AKNAD1: variants seen among roughly 807,000 people sequenced by gnomAD.
AKNAD1 encodes the protein AKNA domain containing 1.
AKNAD1 carries 67 observed loss-of-function variants against 90.8 expected under a neutral mutation model. The ratio of observed to expected loss-of-function variants is 0.74; its 90% CI spans 0.61 to 0.90. The LOEUF (loss-of-function observed/expected upper bound fraction) is 0.90, where lower values mean the gene tolerates loss of function less well. Among genes scored for constraint, AKNAD1 ranks in the 40% least tolerant of loss-of-function variants. The pLI, the probability that AKNAD1 is intolerant of heterozygous loss-of-function variation, is 0.00. For synonymous variants in AKNAD1, 327 were observed against 341.4 expected, an observed-to-expected ratio of 0.96 and a Z score of 0.46; for missense variants, 957 against 975.4, an observed-to-expected ratio of 0.98 and a Z score of 0.25.
Position 108,852,588 on chromosome 1 carries a change from A to T in AKNAD1, c.77T>A (p.Ile26Asn). 6.2e-7 allele frequency: 1 copy of T among 1,612,466 alleles called. No individual in the cohort carries two copies. The highest frequency in any genetic ancestry group is 8.5e-7 in the Non-Finnish European group (1 of 1,179,524). The change falls in exon 2 of 16, where the codon ATT becomes AAT. Residue 26 changes from isoleucine (I) to asparagine (N), a missense_variant. Transcript: ENST00000370001. ...AAAACTGTAATCATTGCCTATCTTA[A>T]TCTGAGAGAGGTCCCCATCATAAGG... ...DLPYDGDLSQ[I>N]KIGNDYSFTS...
intron 7 of AKNAD1, among the ~76,000 whole-genome samples, chr1:108,835,386 C>T (rs987320905): frequency 2.7e-4 from 41 of 152,246 alleles, no homozygotes; most frequent in Non-Finnish European, 4.6e-4. Context: ...ATTTTCAGTA[C>T]GTTACTTATA....
intron 1 of AKNAD1, among the ~76,000 whole-genome samples, chr1:108,854,779 A>G (rs1367872353): frequency 1.3e-5 from 2 of 152,238 alleles, no homozygotes; most frequent in African/African-American, 4.8e-5. Flanking sequence ...AAGGCTTCCC[A>G]AGAAAGTGAA....
intron 6 of AKNAD1, among the ~76,000 whole-genome samples, chr1:108,839,380 G>A (rs1197342398): frequency 1.3e-5 from 2 of 151,970 alleles, no homozygotes; most frequent in East Asian, 1.9e-4. Flanking sequence ...GGCTGAGGCA[G>A]GAGAATGGCG....
chr1:108,856,729 T>G lies in AKNAD1; in HGVS notation c.-104+200A>C, dbSNP rs190379979. ...TCTCTCTCTCTCTCTCACACACACA[T>G]AAACACACACACACAAACACACACA... On this transcript the variant is annotated intron_variant, in intron 1 of 15. Coordinates refer to ENST00000370001, the MANE Select transcript of AKNAD1 (RefSeq NM_152763.5). Among the ~76,000 whole-genome samples, 301 of 144,016 alleles carry G rather than the reference T, an allele frequency of 2.1e-3. 5 individuals carry two copies. In the East Asian group the frequency reaches 0.033, roughly 16 times the overall value. The allele number at this position is 144,016 out of a possible 152,430, so 94.5% of individuals were successfully genotyped here.
intron 6 of AKNAD1, 111 bp from the exon 7 acceptor site, chr1:108,837,817 T>G: frequency 1.6e-6 from 2 of 1,243,216 alleles, no homozygotes; most frequent in Non-Finnish European, 2.3e-6. Context: ...GTGGCCTGTC[T>G]TCTGTCACAA....
intron 5 of AKNAD1, among the ~76,000 whole-genome samples, chr1:108,847,127 T>C (rs532587379): frequency 2.5e-4 from 38 of 152,170 alleles, no homozygotes; most frequent in African/African-American, 8.9e-4. Flanking sequence ...CTTGCCCCCA[T>C]GGTGCTTCCC....
intron 1 of AKNAD1, among the ~76,000 whole-genome samples, chr1:108,855,023 C>T (rs1196478866): frequency 1.3e-5 from 2 of 152,100 alleles, no homozygotes; most frequent in Non-Finnish European, 1.5e-5. Flanking sequence ...CAAAACCAGT[C>T]TCAGTATTGG....
At chr1:108,836,040 C>T (rs367958507) in intron 7 of AKNAD1, among the ~76,000 whole-genome samples, 4 of 152,226 alleles carry the variant, frequency 2.6e-5, no homozygotes, top group African/African-American at 9.6e-5. Flanking sequence ...TATAGCAATA[C>T]ATACTGCTGA....
chr1:108,837,737 T>C (rs1202891134), intron 6 of AKNAD1, 31 bp from the exon 7 acceptor site: 5 of 1,608,454 alleles, frequency 3.1e-6, no homozygotes, highest in Non-Finnish European at 3.4e-6. Flanking sequence ...AGGCATCTTC[T>C]GGGCTATGTG....
rs984787165 is a variant in AKNAD1, at chr1:108,821,976, T to A, written c.2168-1350A>T. Among the ~76,000 whole-genome samples, 3 of 152,136 alleles carry A rather than the reference T, an allele frequency of 2.0e-5. No individual in the cohort carries two copies. In the East Asian group the frequency reaches 5.8e-4, roughly 29 times the overall value. ...TTGGACAAAGGATGCTGGGAGAGAT[T>A]GTCCCTCAGACATGCAAGGCAGGGC... is the stretch of plus-strand genomic sequence containing the variant. On this transcript the variant is annotated intron_variant, in intron 13 of 15. Coordinates refer to ENST00000370001, the MANE Select transcript of AKNAD1 (RefSeq NM_152763.5).
At chr1:108,849,485 A>T in intron 3 of AKNAD1, 52 bp downstream of exon 3, 2 of 1,221,106 alleles carry the variant, frequency 1.6e-6, no homozygotes. Flanking sequence ...TCTCAAAAAG[A>T]CAAAAACAAA....
chr1:108,842,232 A>T (rs1002850460), intron 6 of AKNAD1, among the ~76,000 whole-genome samples: 5 of 152,222 alleles, frequency 3.3e-5, no homozygotes, highest in Admixed American at 2.0e-4. Context: ...TGGGGAAAAA[A>T]ATGCCACAGA....
chr1:108,828,606 C>A (rs1229313622), intron 10 of AKNAD1, among the ~76,000 whole-genome samples: 1 of 151,866 alleles, frequency 6.6e-6, no homozygotes, highest in Non-Finnish European at 1.5e-5. Context: ...TGTGCCCTGG[C>A]CTGCTGTTGG....
intron 14 of AKNAD1, among the ~76,000 whole-genome samples, chr1:108,819,922 A>C (rs796087891): frequency 0.41 from 55,866 of 135,424 alleles, 11,511 homozygotes; most frequent in Non-Finnish European, 0.5. Context: ...TTAACAGCAA[A>C]AAAAAAAAAA....
chr1:108,836,323 G>A (rs898837885), intron 7 of AKNAD1, among the ~76,000 whole-genome samples: 8 of 152,146 alleles, frequency 5.3e-5, no homozygotes, highest in African/African-American at 1.4e-4. Context: ...TTACATCCAC[G>A]GTGGCTCAGG....
rs1664884746 is a variant in AKNAD1, at chr1:108,852,158, A to G, written c.507T>C (p.Thr169=). ...SWPKEQTPEL[T]DQLNPKRDGE... is the part of the protein sequence containing the mutation. ...CATCCCTTTTCGGGTTGAGTTGGTC[A>G]GTGAGTTCTGGGGTTTGTTCTTTTG... Residue 169 remains threonine (T), a synonymous_variant, in exon 2 of 16, where the codon ACT becomes ACC. Coordinates refer to ENST00000370001, the MANE Select transcript of AKNAD1 (RefSeq NM_152763.5). The G allele has an allele frequency of 1.2e-6, 2 of 1,613,978 alleles. No individual in the cohort carries two copies. The highest frequency in any genetic ancestry group is 2.7e-5 in the African/African-American group (2 of 74,900).
At chr1:108,823,160 G>A (rs758403930) in intron 13 of AKNAD1, 19 of 718,474 alleles carry the variant, frequency 2.6e-5, no homozygotes, top group Non-Finnish European at 4.2e-5. Context: ...TGGTCACTGC[G>A]ATTTCATATT....
chr1:108,836,220 G>A (rs992968361), intron 7 of AKNAD1, among the ~76,000 whole-genome samples: 1 of 152,204 alleles, frequency 6.6e-6, no homozygotes, highest in Non-Finnish European at 1.5e-5. Context: ...ACCCTGAGGT[G>A]GCCTCACAAA....
At chr1:108,830,515 T>C (rs753811728) in intron 10 of AKNAD1, 44 bp downstream of exon 10, 9 of 1,587,746 alleles carry the variant, frequency 5.7e-6, no homozygotes, top group Non-Finnish European at 1.7e-6. Context: ...ATGCCAGGAC[T>C]GACTCCAATC....
Sources: gnomAD v4.1 joint callset for allele counts (sites outside exome capture counted in the v4.1 genomes callset) on GRCh38, gnomAD v4.1.1 for gene constraint, MANE v1.5 for transcripts, NCBI Gene and HGNC (gene_info 2026-07-23, HGNC 2026-07-21) for gene names.